The following NR5A2 variants were observed in gnomAD, a reference collection of about 807,000 sequenced individuals.
The protein encoded by NR5A2 is CYP7A promoter-binding factor.
NR5A2 carries 26 observed loss-of-function variants against 62.7 expected under a neutral mutation model. The observed-to-expected ratio is 0.41, with a 90% CI of 0.30 to 0.58. The LOEUF is 0.58. Among genes scored for constraint, NR5A2 ranks in the 20% least tolerant of loss-of-function variants. The pLI is 0.22. For synonymous variants in NR5A2, 246 were observed against 241.7 expected (o/e 1.02, Z -0.16); for missense variants, 541 against 669.1 (o/e 0.81, Z 2.11).
chr1:200,110,809 T>C (rs1209786671), intron 5 of NR5A2, among the ~76,000 whole-genome samples: 1 of 152,190 alleles, frequency 6.6e-6, no homozygotes, highest in Non-Finnish European at 1.5e-5. Flanking sequence ...ATGTACTGTA[T>C]TCACTTTTAG....
intron 7 of NR5A2, among the ~76,000 whole-genome samples, chr1:200,125,849 T>C (rs1666677713): frequency 6.6e-6 from 1 of 152,114 alleles, no homozygotes; most frequent in South Asian, 2.1e-4. Flanking sequence ...ATTTTATTAT[T>C]TATTCTTCTT....
At chr1:200,028,633 G>A (rs748937940) in intron 1 of NR5A2, among the ~76,000 whole-genome samples, 1 of 152,148 alleles carries the variant, frequency 6.6e-6, no homozygotes, top group East Asian at 1.9e-4. Flanking sequence ...AGGACTGAAG[G>A]GAAGTGATTC....
intron 7 of NR5A2, among the ~76,000 whole-genome samples, chr1:200,155,963 G>C (rs1481037176): frequency 6.6e-6 from 1 of 152,066 alleles, no homozygotes; most frequent in Non-Finnish European, 1.5e-5. Flanking sequence ...GTGAGCCACC[G>C]CGCCTGGCCC....
rs953389373 is a variant in NR5A2, at chr1:200,176,223, G to A, written c.*2013G>A. On this transcript the variant is annotated 3_prime_UTR_variant, in exon 8 of 8. Coordinates refer to ENST00000367362, the MANE Select transcript of NR5A2 (RefSeq NM_205860.3). ...AACTCAACAAGGTGGAGTCTTACCT[G>A]GTTTTCCTTTCCAAGCATTGTAAAT... is the stretch of plus-strand genomic sequence containing the variant. The A allele has an allele frequency of 1.3e-5, 2 of 152,512 alleles. No homozygotes were observed. The highest frequency in any genetic ancestry group is 2.4e-5 in the African/African-American group (1 of 41,398). The allele number at this position is 152,512 out of a possible 1,614,324, so 9.4% of individuals were successfully genotyped here.
chr1:200,151,163 G>GA (rs147330930), intron 7 of NR5A2, among the ~76,000 whole-genome samples: 3 of 151,944 alleles, frequency 2.0e-5, no homozygotes, highest in African/African-American at 4.8e-5. Context: ...CTGGAAGGGG[G>GA]AAAAAAAGCC....
intron 7 of NR5A2, among the ~76,000 whole-genome samples, chr1:200,131,315 A>C (rs1666961036): frequency 6.6e-6 from 1 of 152,224 alleles, no homozygotes; most frequent in Non-Finnish European, 1.5e-5. Flanking sequence ...TTTGAACTTA[A>C]TCAATATGAA....
At chr1:200,065,917 G>A (rs1242390726) in intron 5 of NR5A2, among the ~76,000 whole-genome samples, 2 of 152,058 alleles carry the variant, frequency 1.3e-5, no homozygotes, top group Non-Finnish European at 2.9e-5. Context: ...AATAAAGGAA[G>A]GTCACTACCT....
At chr1:200,057,039 A>T (rs369801089) in intron 5 of NR5A2, among the ~76,000 whole-genome samples, 30 of 152,300 alleles carry the variant, frequency 2.0e-4, no homozygotes, top group African/African-American at 6.0e-4. Context: ...GGATGTACTG[A>T]ATTATTTTGT....
chr1:200,059,758 A>G (rs963274191), intron 5 of NR5A2, among the ~76,000 whole-genome samples: 1 of 152,234 alleles, frequency 6.6e-6, no homozygotes, highest in Non-Finnish European at 1.5e-5. Context: ...TCCAGGATAA[A>G]TAAAGAATGA....
At chr1:200,036,279 G>C (rs1661775866) in intron 1 of NR5A2, among the ~76,000 whole-genome samples, 1 of 152,164 alleles carries the variant, frequency 6.6e-6, no homozygotes, top group Non-Finnish European at 1.5e-5. Context: ...CGCAAACTCG[G>C]GTTCCTCCTC....
intron 2 of NR5A2, chr1:200,043,016 G>C: frequency 1.0e-6 from 1 of 985,224 alleles, no homozygotes; most frequent in African/African-American, 1.7e-5. Flanking sequence ...TCATTACAGG[G>C]CTTCAATACT....
chr1:200,032,251 G>A (rs544048891), intron 1 of NR5A2, among the ~76,000 whole-genome samples: 2 of 152,298 alleles, frequency 1.3e-5, no homozygotes, highest in African/African-American at 4.8e-5. Flanking sequence ...TTGTGCTCTG[G>A]GGAGGCCCTG....
At chr1:200,046,053 A>G (rs757101311) in intron 4 of NR5A2, among the ~76,000 whole-genome samples, 3 of 152,206 alleles carry the variant, frequency 2.0e-5, no homozygotes, top group Non-Finnish European at 4.4e-5. Flanking sequence ...GATTCTTAAG[A>G]GTTAAAGCCT....
intron 5 of NR5A2, among the ~76,000 whole-genome samples, chr1:200,078,239 A>G (rs1451088291): frequency 3.3e-5 from 5 of 152,212 alleles, no homozygotes; most frequent in African/African-American, 1.2e-4. Flanking sequence ...TAAAGACTTC[A>G]ATAGCACTTG....
At chr1:200,125,464 T>C (rs1666660709) in intron 7 of NR5A2, among the ~76,000 whole-genome samples, 1 of 152,216 alleles carries the variant, frequency 6.6e-6, no homozygotes, top group Admixed American at 6.5e-5. Flanking sequence ...CCAGGGAAGA[T>C]GGGTTATGGT....
At chr1:200,034,553 C>G (rs1398613733) in intron 1 of NR5A2, among the ~76,000 whole-genome samples, 1 of 139,436 alleles carries the variant, frequency 7.2e-6, no homozygotes, top group African/African-American at 2.7e-5. Context: ...GCCAAACTCT[C>G]CAAAAAGCCC....
intron 7 of NR5A2, among the ~76,000 whole-genome samples, chr1:200,171,468 G>A (rs1166333714): frequency 6.6e-6 from 1 of 152,200 alleles, no homozygotes; most frequent in Non-Finnish European, 1.5e-5. Flanking sequence ...AACCATCGAG[G>A]CTGGACGCAG....
chr1:200,064,773 A>C (rs1436848750), intron 5 of NR5A2, among the ~76,000 whole-genome samples: 3 of 152,182 alleles, frequency 2.0e-5, no homozygotes, highest in Non-Finnish European at 4.4e-5. Flanking sequence ...TTAATTTACT[A>C]TCTAAACTTG....
In NR5A2 at chr1:200,173,445, G is replaced by GAC. The variant is rs560649591; in HGVS notation, c.1379-516_1379-515dup. Among the ~76,000 whole-genome samples, 6 of 152,338 alleles carry GAC rather than the reference G, an allele frequency of 3.9e-5. No individual in the cohort carries two copies. The East Asian group carries it at 1.2e-3, about 29-fold the overall frequency. On this transcript the variant is annotated intron_variant, in intron 7 of 7. Transcript: ENST00000367362. ...CCAGATGGTTCATTAGCATAGGCTA[G>GAC]ACAAGTCAAAGACTTTCAGAATCAT...
Sources: gnomAD v4.1 joint callset for allele counts (sites outside exome capture counted in the v4.1 genomes callset) on GRCh38, gnomAD v4.1.1 for gene constraint, MANE v1.5 for transcripts, NCBI Gene and HGNC (gene_info 2026-07-23, HGNC 2026-07-21) for gene names.